ADAMTS17: variants seen among roughly 807,000 people sequenced by gnomAD.
The protein encoded by ADAMTS17 is ADAM metallopeptidase with thrombospondin type 1 motif 17, also known as A disintegrin and metalloproteinase with thrombospondin motifs 17.
A neutral mutation model predicts 141.5 loss-of-function variants in ADAMTS17; 113 were observed. That is an observed-to-expected ratio of 0.80 (90% CI 0.69 to 0.93). ADAMTS17 has a LOEUF of 0.93. Among genes scored for constraint, ADAMTS17 ranks in the 40% least tolerant of loss-of-function variants. The probability of loss-of-function intolerance (pLI) is 0.00; values close to 1 mark genes in which losing one functional copy is unlikely to be tolerated. For missense variants in ADAMTS17, 1,659 were observed against 1,517.9 expected (o/e 1.09, Z -1.54); for synonymous variants, 768 against 630.6 (o/e 1.22, Z -3.27).
intron 18 of ADAMTS17, among the ~76,000 whole-genome samples, chr15:100,029,502 G>A (rs949612373): frequency 6.6e-6 from 1 of 152,120 alleles, no homozygotes; most frequent in Non-Finnish European, 1.5e-5. Flanking sequence ...AGGGCATCCG[G>A]CTGCCTCATT....
At chr15:100,052,504 G>A (rs887692437) in intron 16 of ADAMTS17, among the ~76,000 whole-genome samples, 5 of 152,174 alleles carry the variant, frequency 3.3e-5, no homozygotes, top group African/African-American at 1.2e-4. Flanking sequence ...TCCAGGCTGG[G>A]GACTTCACTT....
chr15:100,287,017 G>A (rs1299783440), intron 3 of ADAMTS17, among the ~76,000 whole-genome samples: 3 of 152,084 alleles, frequency 2.0e-5, no homozygotes, highest in Non-Finnish European at 4.4e-5. Context: ...GTTAAACCCC[G>A]TCTCTACTAA....
At chr15:100,288,147 A>T (rs2044508584) in intron 3 of ADAMTS17, among the ~76,000 whole-genome samples, 1 of 152,262 alleles carries the variant, frequency 6.6e-6, no homozygotes, top group Non-Finnish European at 1.5e-5. Context: ...ACAGGATCAG[A>T]GTAAAGGGAT....
chr15:100,223,731 T>C (rs1276290990), intron 7 of ADAMTS17, among the ~76,000 whole-genome samples: 2 of 145,974 alleles, frequency 1.4e-5, no homozygotes, highest in East Asian at 2.0e-4. Flanking sequence ...AGTGTATATA[T>C]ACACATGTAT....
chr15:100,161,447 G>A (rs1214730944), intron 8 of ADAMTS17, among the ~76,000 whole-genome samples: 2 of 152,152 alleles, frequency 1.3e-5, no homozygotes, highest in Non-Finnish European at 2.9e-5. Context: ...AAGAGCTTGG[G>A]CTCCCGTGAA....
chr15:100,172,506 C>G (rs769040882), intron 8 of ADAMTS17, among the ~76,000 whole-genome samples: 5 of 152,164 alleles, frequency 3.3e-5, no homozygotes, highest in Non-Finnish European at 5.9e-5. Context: ...ATCCTGGTCA[C>G]CTGCTCCATC....
At chr15:100,307,232 C>G (rs2045257119) in intron 3 of ADAMTS17, among the ~76,000 whole-genome samples, 1 of 152,188 alleles carries the variant, frequency 6.6e-6, no homozygotes, top group African/African-American at 2.4e-5. Context: ...AAAAAAGACT[C>G]TGCTTCTTGG....
At chr15:100,198,952 C>T (rs762946923) in intron 8 of ADAMTS17, among the ~76,000 whole-genome samples, 29 of 152,304 alleles carry the variant, frequency 1.9e-4, no homozygotes, top group Middle Eastern at 6.8e-3. Context: ...CATGGAAAGT[C>T]AACAGTATAA....
chr15:100,328,754 C>A (rs1567543045), intron 3 of ADAMTS17, among the ~76,000 whole-genome samples: 1 of 152,200 alleles, frequency 6.6e-6, no homozygotes, highest in Non-Finnish European at 1.5e-5. Flanking sequence ...CTCAGTATCA[C>A]ACCACTAAAG....
chr15:100,190,303 C>CA (rs1169666621), intron 8 of ADAMTS17, among the ~76,000 whole-genome samples: 1 of 152,246 alleles, frequency 6.6e-6, no homozygotes, highest in Non-Finnish European at 1.5e-5. Context: ...CCAGACCCCC[C>CA]AGCCCTTCTG....
intron 4 of ADAMTS17, among the ~76,000 whole-genome samples, chr15:100,263,658 C>T (rs534703227): frequency 3.3e-5 from 5 of 152,234 alleles, no homozygotes; most frequent in African/African-American, 7.2e-5. Context: ...TTTGCCATAA[C>T]GCAGAGAAAA....
intron 7 of ADAMTS17, among the ~76,000 whole-genome samples, chr15:100,244,075 G>A (rs181509082): frequency 7.5e-4 from 114 of 152,164 alleles, no homozygotes; most frequent in Middle Eastern, 3.4e-3. Context: ...CAGTCATGGC[G>A]GAAGGCAAAG....
At chr15:100,059,284 A>G (rs905238920) in intron 15 of ADAMTS17, among the ~76,000 whole-genome samples, 6 of 152,254 alleles carry the variant, frequency 3.9e-5, no homozygotes, top group Non-Finnish European at 7.3e-5. Flanking sequence ...GCCTGTGGCC[A>G]TCGCCGCAGT....
chr15:100,107,670 CAA>C (rs1456419649), intron 14 of ADAMTS17, among the ~76,000 whole-genome samples: 1 of 152,126 alleles, frequency 6.6e-6, no homozygotes, highest in Admixed American at 6.5e-5. Flanking sequence ...AAGAGACTCA[CAA>C]GAGAGCTCAC....
chr15:100,253,027 C>T (rs534396654), intron 7 of ADAMTS17, among the ~76,000 whole-genome samples: 81 of 152,234 alleles, frequency 5.3e-4, no homozygotes, highest in Non-Finnish European at 8.7e-4. Flanking sequence ...GGGGCTCCCC[C>T]AGAAGCTCAG....
intron 3 of ADAMTS17, among the ~76,000 whole-genome samples, chr15:100,318,436 C>T (rs896457869): frequency 1.3e-5 from 2 of 152,002 alleles, no homozygotes; most frequent in African/African-American, 4.8e-5. Flanking sequence ...GGTATTAGTG[C>T]CCTTATAAGA....
intron 2 of ADAMTS17, 130 bp downstream of exon 2, chr15:100,340,909 G>A: frequency 7.2e-7 from 1 of 1,385,758 alleles, no homozygotes; most frequent in Non-Finnish European, 9.8e-7. Context: ...AGGTGGAAAG[G>A]CAGGGGGTTC....
chr15:100,040,581 A>G (rs2031157896), intron 18 of ADAMTS17, among the ~76,000 whole-genome samples: 1 of 152,138 alleles, frequency 6.6e-6, no homozygotes, highest in Non-Finnish European at 1.5e-5. Context: ...CTACATGCAA[A>G]GCATTTCCCA....
intron 6 of ADAMTS17, chr15:100,256,335 G>A (rs1049929564): frequency 6.6e-6 from 1 of 152,260 alleles, no homozygotes; most frequent in African/African-American, 2.4e-5. Context: ...ACACTCTGCT[G>A]TCGCGGGGTC....
Sources: allele counts gnomAD v4.1 joint callset (sites outside exome capture counted in the v4.1 genomes callset), GRCh38; gene constraint gnomAD v4.1.1; transcripts MANE v1.5; gene names NCBI Gene and HGNC (gene_info 2026-07-23, HGNC 2026-07-21).